The following ING2 variants were observed in gnomAD, a reference collection of about 807,000 sequenced individuals.
ING2 encodes the protein inhibitor of growth family member 2.
ING2 carries 7 observed loss-of-function variants against 30.6 expected under a neutral mutation model. The observed-to-expected ratio is 0.23, with a 90% confidence interval of 0.13 to 0.43. The LOEUF (loss-of-function observed/expected upper bound fraction) is 0.43. Among genes scored for constraint, ING2 ranks in the 20% least tolerant of loss-of-function variants. The probability of loss-of-function intolerance (pLI) is 1.00; values close to 1 mark genes in which losing one functional copy is unlikely to be tolerated. For synonymous variants in ING2, 136 were observed against 121.7 expected (o/e 1.12, Z -0.78); for missense variants, 239 against 334.9 (o/e 0.71, Z 2.24).
intron 1 of ING2, among the ~76,000 whole-genome samples, chr4:183,508,577 G>A (rs1734737477): frequency 6.6e-6 from 1 of 152,194 alleles, no homozygotes; most frequent in South Asian, 2.1e-4. Flanking sequence ...TCAAGTACGA[G>A]TACCTGCGAT....
Position 183,505,159 on chromosome 4 carries a change from G to A in ING2, c.-37G>A, listed in dbSNP as rs927954248. On this transcript the variant is annotated 5_prime_UTR_variant, in exon 1 of 2. An upstream open reading frame in the 5' UTR gains an earlier in-frame stop. Coordinates refer to ENST00000302327, the MANE Select transcript of ING2 (RefSeq NM_001564.4). ...CGCGGCCGGTGCATGTGCGGCTGCTGGATGCGGAGGCGGCGGCGACGGCGC... is the reference window on the plus strand; with the variant it reads ...CGCGGCCGGTGCATGTGCGGCTGCTAGATGCGGAGGCGGCGGCGACGGCGC... The A allele has an allele frequency of 1.3e-6, 2 of 1,576,964 alleles. No individual in the cohort carries two copies. The highest frequency in any genetic ancestry group is 1.4e-5 in the African/African-American group (1 of 72,392).
chr4:183,505,736 T>C (rs942924206), intron 1 of ING2, among the ~76,000 whole-genome samples: 2 of 151,312 alleles, frequency 1.3e-5, no homozygotes, highest in African/African-American at 4.9e-5. Context: ...TCGGAGGGAG[T>C]GAGCGGCCGG....
At chr4:183,506,450 C>G (rs1017785642) in intron 1 of ING2, 1 of 551,736 alleles carries the variant, frequency 1.8e-6, no homozygotes, top group South Asian at 1.6e-5. Flanking sequence ...CTTTGCCGGC[C>G]GACCCGGGAA....
Position 183,506,015 on chromosome 4 carries a change from G to A in ING2, c.172+648G>A, listed in dbSNP as rs942410067. On this transcript the variant is annotated intron_variant, in intron 1 of 1. Coordinates refer to ENST00000302327, the MANE Select transcript of ING2 (RefSeq NM_001564.4). Reference sequence around the variant, plus strand: ...GGAGGGGTCCCCCGCGGGAGAGGAAGAGAGGGGCGTGTGTGGCGGGGAGGG... The same window carrying A: ...GGAGGGGTCCCCCGCGGGAGAGGAAAAGAGGGGCGTGTGTGGCGGGGAGGG... 116 of 928,756 alleles carry A rather than the reference G, an allele frequency of 1.2e-4. 1 individual carries two copies. The African/African-American group carries it at 1.7e-3, about 14-fold the overall frequency. The allele number at this position is 928,756 out of a possible 1,614,324, so 57.5% of individuals were successfully genotyped here. A position where few individuals can be genotyped will look rare whatever the true frequency, so the allele number is the denominator to read the frequency against.
In ING2 at chr4:183,511,160, C is replaced by T; in HGVS notation, c.*208C>T. ...TTCCAACCAGGTAGTCTTCAGATCA[C>T]CTGATGAAAGGAGCAGGGAACAGGA... On this transcript the variant is annotated 3_prime_UTR_variant, in exon 2 of 2. Coordinates refer to ENST00000302327, the MANE Select transcript of ING2 (RefSeq NM_001564.4). 1 of 448,656 alleles carries T rather than the reference C, an allele frequency of 2.2e-6. No homozygotes were observed. The highest frequency in any genetic ancestry group is 3.9e-6 in the Non-Finnish European group (1 of 254,412). The allele number at this position is 448,656 out of a possible 1,614,324, so 27.8% of individuals were successfully genotyped here. A position where few individuals can be genotyped will look rare whatever the true frequency, so the allele number is the denominator to read the frequency against.
chr4:183,507,744 T>C (rs1734710886), intron 1 of ING2, among the ~76,000 whole-genome samples: 1 of 152,222 alleles, frequency 6.6e-6, no homozygotes, highest in African/African-American at 2.4e-5. Context: ...AGTGCTTAAG[T>C]ATTTTCTGGT....
Position 183,510,495 on chromosome 4 carries a change from C to T in ING2, c.386C>T (p.Ala129Val). The change falls in exon 2 of 2, where the codon GCT (alanine) becomes GTT (valine). Residue 129 changes from alanine (A) to valine (V), a missense_variant. Ala to Val is a moderately conservative substitution (Grantham distance 64, BLOSUM62 0). Transcript: ENST00000302327. ...ELHSQCFQDP[A>V]ESERASDKAK... ...CACTCACAGTGTTTCCAAGATCCTG[C>T]TGAAAGTGAACGAGCCTCAGATAAA... 6.2e-7 allele frequency: 1 copy of T among 1,614,106 alleles called. No homozygotes were observed. Among genetic ancestry groups the T allele is most frequent in the Non-Finnish European group, 8.5e-7 (1 of 1,180,032 alleles).
chr4:183,505,136 C>T lies in ING2; in HGVS notation c.-60C>T. On this transcript the variant is annotated 5_prime_UTR_variant, in exon 1 of 2. Coordinates refer to ENST00000302327, the MANE Select transcript of ING2 (RefSeq NM_001564.4). ...CTGAGCTGAGGGCCCGCGGCGGCCGCGGCCGGTGCATGTGCGGCTGCTGGA... is the reference window on the plus strand; with the variant it reads ...CTGAGCTGAGGGCCCGCGGCGGCCGTGGCCGGTGCATGTGCGGCTGCTGGA... 1 of 1,484,578 alleles carries T rather than the reference C, an allele frequency of 6.7e-7. No homozygotes were observed. Among genetic ancestry groups the T allele is most frequent in the Non-Finnish European group, 8.9e-7 (1 of 1,120,376 alleles). 92.0% of individuals were successfully genotyped at this position (1,484,578 alleles called of 1,614,324 possible).
In ING2 at chr4:183,505,252, G is replaced by A. The variant is rs1734606653; in HGVS notation, c.57G>A (p.Glu19=). ...LYSSAALLTG[E]RSRLLTCYVQ... is the part of the protein sequence containing the mutation. The stretch of plus-strand genomic sequence containing the variant: ...CGTCGGCCGCGCTCCTGACCGGGGA[G>A]CGGAGCCGGCTGCTCACCTGCTACG... Residue 19 remains glutamate (E), a synonymous_variant, in exon 1 of 2, where the codon GAG becomes GAA. Transcript: ENST00000302327. 3 of 1,595,952 alleles carry A rather than the reference G, an allele frequency of 1.9e-6. No individual in the cohort carries two copies. The highest frequency in any genetic ancestry group is 1.7e-6 in the Non-Finnish European group (2 of 1,172,380).
intron 1 of ING2, chr4:183,506,131 G>T: frequency 8.1e-7 from 1 of 1,233,480 alleles, no homozygotes. Flanking sequence ...ATGGCTGGTC[G>T]CGAGAGGGGC....
At chr4:183,507,393 G>T (rs985361514) in intron 1 of ING2, among the ~76,000 whole-genome samples, 8 of 152,326 alleles carry the variant, frequency 5.3e-5, no homozygotes, top group African/African-American at 1.2e-4. Context: ...GAGCCACCGC[G>T]CCCAGCAAGC....
intron 1 of ING2, among the ~76,000 whole-genome samples, chr4:183,506,532 A>C (rs373565216): frequency 1.3e-5 from 2 of 152,182 alleles, no homozygotes; most frequent in South Asian, 4.1e-4. Context: ...GGGCAGTTTA[A>C]AAGGGGAAAT....
At chr4:183,506,181 C>T (rs1323923678) in intron 1 of ING2, 11 of 1,295,384 alleles carry the variant, frequency 8.5e-6, no homozygotes, top group Admixed American at 2.3e-5. Flanking sequence ...CGGGGCTGTG[C>T]GGGGGCGTTG....
intron 1 of ING2, among the ~76,000 whole-genome samples, chr4:183,508,110 G>T (rs1030470303): frequency 6.6e-6 from 1 of 151,876 alleles, no homozygotes; most frequent in Admixed American, 6.6e-5. Flanking sequence ...CTCTTGAGTT[G>T]CAGTTTTTTT....
chr4:183,511,488 T>G lies in ING2; in HGVS notation c.*536T>G, dbSNP rs947264109. Reference sequence around the variant, plus strand: ...GAGATAAGAGTAATTTGGGATTCCATGTGGAATAATGTGCTCTTATGAGAG... The same window carrying G: ...GAGATAAGAGTAATTTGGGATTCCAGGTGGAATAATGTGCTCTTATGAGAG... On this transcript the variant is annotated 3_prime_UTR_variant, in exon 2 of 2. Coordinates refer to ENST00000302327, the MANE Select transcript of ING2 (RefSeq NM_001564.4). Among the ~76,000 whole-genome samples the G allele has an allele frequency of 1.3e-5, 2 of 152,244 alleles. No homozygotes were observed. The highest frequency in any genetic ancestry group is 2.9e-5 in the Non-Finnish European group (2 of 68,040).
rs1318560395 is a variant in ING2, at chr4:183,506,322, G to C, written c.172+955G>C. 3.1e-6 allele frequency: 4 copies of C among 1,303,618 alleles called. No homozygotes were observed. The African/African-American group carries it at 4.5e-5, about 15-fold the overall frequency. The allele number at this position is 1,303,618 out of a possible 1,614,324, so 80.8% of individuals were successfully genotyped here. ...CCGTCGCGGATCCTGGCTCCGCGTA[G>C]GTTCCGGGACATGTGTCACTTCCGG... On this transcript the variant is annotated intron_variant, in intron 1 of 1. Transcript: ENST00000302327.
At chr4:183,506,170 T>A in intron 1 of ING2, 1 of 1,270,594 alleles carries the variant, frequency 7.9e-7, no homozygotes, top group Admixed American at 2.4e-5. Context: ...GGGGAGGGAG[T>A]CGGGGCTGTG....
intron 1 of ING2, 98 bp from the exon 2 acceptor site, chr4:183,510,184 T>C (rs556738110): frequency 6.3e-4 from 530 of 846,354 alleles, no homozygotes; most frequent in Non-Finnish European, 9.1e-4. Context: ...GTTTCATGGT[T>C]TGAGTTCTAA....
At chr4:183,505,589 C>T (rs1448017447) in intron 1 of ING2, among the ~76,000 whole-genome samples, 1 of 152,038 alleles carries the variant, frequency 6.6e-6, no homozygotes, top group Non-Finnish European at 1.5e-5. Flanking sequence ...GCTTGTCAGC[C>T]CCCGCTGCAG....
Sources: gnomAD v4.1 joint callset for allele counts (sites outside exome capture counted in the v4.1 genomes callset) on GRCh38, gnomAD v4.1.1 for gene constraint, MANE v1.5 for transcripts, NCBI Gene and HGNC (gene_info 2026-07-23, HGNC 2026-07-21) for gene names.